The following PTPRG variants were observed in gnomAD, a reference collection of about 807,000 sequenced individuals.
PTPRG encodes the protein protein tyrosine phosphatase receptor type G, also known as receptor-type tyrosine-protein phosphatase gamma.
In PTPRG, 102 loss-of-function variants were observed where a neutral mutation model predicts 165.3. The ratio of observed to expected loss-of-function variants is 0.62; its 90% CI spans 0.53 to 0.73. The LOEUF is 0.73. PTPRG is among the 30% of genes least tolerant of loss of function. The pLI is 0.00. For missense variants in PTPRG, 1,866 were observed against 1,861.4 expected, an observed-to-expected ratio of 1.00 and a Z score of -0.05; for synonymous variants, 675 against 669.5, an observed-to-expected ratio of 1.01 and a Z score of -0.13.
chr3:62,074,535 C>G (rs1701321543), intron 4 of PTPRG, among the ~76,000 whole-genome samples: 1 of 151,584 alleles, frequency 6.6e-6, no homozygotes, highest in African/African-American at 2.4e-5. Context: ...GAGATGAGGT[C>G]TCACTGTGTT....
At chr3:61,958,119 CT>C (rs1291230582) in intron 2 of PTPRG, among the ~76,000 whole-genome samples, 2 of 151,836 alleles carry the variant, frequency 1.3e-5, no homozygotes, top group East Asian at 3.9e-4. Context: ...GACTTTTCTT[CT>C]TTTTTTTCTT....
intron 1 of PTPRG, among the ~76,000 whole-genome samples, chr3:61,587,748 C>T (rs1050473455): frequency 1.3e-5 from 2 of 152,096 alleles, no homozygotes; most frequent in Admixed American, 6.5e-5. Context: ...CCTCAACCAC[C>T]TGGGCTCAAG....
intron 1 of PTPRG, among the ~76,000 whole-genome samples, chr3:61,745,050 A>ATTTTTTTT (rs2033143265): frequency 2.3e-5 from 1 of 43,092 alleles, no homozygotes; most frequent in East Asian, 3.6e-4. Context: ...TCATTCCCTC[A>ATTTTTTTT]CTTTTTTTTT....
chr3:61,617,880 T>A (rs576397628), intron 1 of PTPRG, among the ~76,000 whole-genome samples: 1 of 152,228 alleles, frequency 6.6e-6, no homozygotes, highest in Non-Finnish European at 1.5e-5. Context: ...AGTAAGAGCT[T>A]GTATCGTATT....
intron 8 of PTPRG, among the ~76,000 whole-genome samples, chr3:62,184,105 A>G (rs904778212): frequency 1.3e-5 from 2 of 152,076 alleles, no homozygotes; most frequent in Non-Finnish European, 2.9e-5. Flanking sequence ...GCCCAGTGTC[A>G]TCATCTTTCA....
At chr3:62,118,290 T>C (rs1702936778) in intron 5 of PTPRG, 1 of 152,340 alleles carries the variant, frequency 6.6e-6, no homozygotes, top group African/African-American at 2.4e-5. Flanking sequence ...ACCAACGATA[T>C]GTAAATGAGT....
At chr3:61,677,353 A>G (rs1703270453) in intron 1 of PTPRG, among the ~76,000 whole-genome samples, 1 of 152,188 alleles carries the variant, frequency 6.6e-6, no homozygotes, top group Admixed American at 6.5e-5. Flanking sequence ...ATCTTTATGA[A>G]GGCCATCAGA....
chr3:62,216,808 A>T (rs761771483), intron 12 of PTPRG, among the ~76,000 whole-genome samples: 3 of 152,098 alleles, frequency 2.0e-5, no homozygotes, highest in Admixed American at 1.3e-4. Flanking sequence ...CCAATTCCCC[A>T]TCTGGGTCCT....
At chr3:61,702,387 A>G (rs1441613550) in intron 1 of PTPRG, among the ~76,000 whole-genome samples, 8 of 152,226 alleles carry the variant, frequency 5.3e-5, no homozygotes, top group Non-Finnish European at 8.8e-5. Flanking sequence ...TACTTTCTTC[A>G]TTTTAGAGAA....
chr3:61,883,718 A>G (rs1451671484), intron 2 of PTPRG, among the ~76,000 whole-genome samples: 6 of 152,090 alleles, frequency 3.9e-5, no homozygotes, highest in Admixed American at 1.3e-4. Context: ...TTTGGAAGGC[A>G]GGGTGGAGTG....
chr3:62,099,328 A>T (rs144085668), intron 5 of PTPRG, among the ~76,000 whole-genome samples: 1 of 152,206 alleles, frequency 6.6e-6, no homozygotes, highest in Non-Finnish European at 1.5e-5. Flanking sequence ...AACCGTCGCT[A>T]CTTCCTAGTC....
rs566342525 is a variant in PTPRG at position 62,233,323 on chromosome 3, A to G, written c.2375+2012A>G. Among the ~76,000 whole-genome samples, 77 of 152,182 alleles carry G rather than the reference A, an allele frequency of 5.1e-4. No individual in the cohort carries two copies. Among genetic ancestry groups the G allele is most frequent in the Non-Finnish European group, 7.8e-4 (53 of 67,982 alleles). On this transcript the variant is annotated intron_variant, in intron 14 of 29. Transcript: ENST00000474889. The surrounding 1 kb of genome is among the most constrained non-coding windows in gnomAD (Gnocchi z 4.7). ...GCTAGCCGCCCTGCTGTAATGTACA[A>G]TTCCTCATTCTGGCCCACTGTCCCC...
chr3:61,710,096 T>C (rs2031476849), intron 1 of PTPRG, among the ~76,000 whole-genome samples: 1 of 152,170 alleles, frequency 6.6e-6, no homozygotes, highest in South Asian at 2.1e-4. Context: ...CCCTTTGAGT[T>C]TGAGCCATAG....
intron 5 of PTPRG, among the ~76,000 whole-genome samples, chr3:62,085,619 A>G (rs907216285): frequency 6.6e-6 from 1 of 152,060 alleles, no homozygotes; most frequent in Non-Finnish European, 1.5e-5. Context: ...ATGATAGTTG[A>G]TGAGTTAGCT....
intron 26 of PTPRG, among the ~76,000 whole-genome samples, chr3:62,278,845 G>A (rs891112400): frequency 2.6e-5 from 4 of 152,102 alleles, no homozygotes; most frequent in South Asian, 2.1e-4. Flanking sequence ...GAGGCACTTA[G>A]GGTTGTTAAA....
chr3:61,711,593 T>C (rs2106750076), intron 1 of PTPRG, among the ~76,000 whole-genome samples: 1 of 152,334 alleles, frequency 6.6e-6, no homozygotes, highest in South Asian at 2.1e-4. Flanking sequence ...GTTCATATCC[T>C]TCGCCCACTT....
chr3:61,921,377 G>A (rs1433515050), intron 2 of PTPRG, among the ~76,000 whole-genome samples: 7 of 152,176 alleles, frequency 4.6e-5, no homozygotes, highest in African/African-American at 1.4e-4. Flanking sequence ...CTAAAATCTA[G>A]TAGGATAACG....
chr3:61,671,528 C>T (rs1328372496), intron 1 of PTPRG, among the ~76,000 whole-genome samples: 7 of 148,886 alleles, frequency 4.7e-5, no homozygotes, highest in Non-Finnish European at 3.0e-5. Context: ...AAAAGTCTCC[C>T]ATGTCTACCT....
intron 6 of PTPRG, among the ~76,000 whole-genome samples, chr3:62,152,491 T>C (rs1704373673): frequency 6.6e-6 from 1 of 152,226 alleles, no homozygotes; most frequent in African/African-American, 2.4e-5. Flanking sequence ...CCCCTATGGC[T>C]TAAGCTGGCA....
Sources: allele counts gnomAD v4.1 joint callset (sites outside exome capture counted in the v4.1 genomes callset), GRCh38; gene constraint gnomAD v4.1.1; non-coding constraint Gnocchi (gnomAD v3.1); transcripts MANE v1.5; gene names NCBI Gene and HGNC (gene_info 2026-07-23, HGNC 2026-07-21).